CNTN5: variants seen among roughly 807,000 people sequenced by gnomAD.
The protein encoded by CNTN5 is contactin 5.
Under a neutral mutation model 129.1 loss-of-function variants are expected in CNTN5, and 77 were observed. That is an observed-to-expected ratio of 0.60 (90% CI 0.50 to 0.72). The LOEUF is 0.72. CNTN5 is among the 30% of genes least tolerant of loss of function. The pLI is 0.00. For missense variants in CNTN5, 1,478 were observed against 1,328.8 expected (o/e 1.11, Z -1.75); for synonymous variants, 509 against 465.6 (o/e 1.09, Z -1.20).
chr11:100,136,713 T>C (rs1946535636), intron 13 of CNTN5, among the ~76,000 whole-genome samples: 1 of 151,766 alleles, frequency 6.6e-6, no homozygotes, highest in East Asian at 1.9e-4. Flanking sequence ...ACTATGTGTA[T>C]GCCCAGTATG....
At chr11:99,764,827 C>T (rs192550444) in intron 3 of CNTN5, among the ~76,000 whole-genome samples, 2 of 152,152 alleles carry the variant, frequency 1.3e-5, no homozygotes, top group African/African-American at 4.8e-5. Context: ...CCAGATTTCA[C>T]GTGCCTAGTA....
At chr11:99,326,407 G>C (rs1865788885) in intron 2 of CNTN5, among the ~76,000 whole-genome samples, 1 of 152,126 alleles carries the variant, frequency 6.6e-6, no homozygotes, top group Non-Finnish European at 1.5e-5. Flanking sequence ...CAGGTTAATT[G>C]ATTCAAAATA....
At chr11:100,188,432 G>C (rs114043412) in intron 13 of CNTN5, among the ~76,000 whole-genome samples, 1 of 151,968 alleles carries the variant, frequency 6.6e-6, no homozygotes, top group African/African-American at 2.4e-5. Context: ...GTGAGACTCT[G>C]TCTTAAAACA....
chr11:99,084,766 C>A (rs1865933608), intron 1 of CNTN5, among the ~76,000 whole-genome samples: 1 of 152,122 alleles, frequency 6.6e-6, no homozygotes, highest in Non-Finnish European at 1.5e-5. Flanking sequence ...TTTTAGGAAG[C>A]ATTGCATTGA....
chr11:99,035,322 C>T (rs2135111530), intron 1 of CNTN5, among the ~76,000 whole-genome samples: 1 of 151,302 alleles, frequency 6.6e-6, no homozygotes, highest in South Asian at 2.1e-4. Context: ...TCCTGGGTAT[C>T]CTTGTTGACT....
At chr11:99,789,873 C>T (rs1945676097) in intron 3 of CNTN5, among the ~76,000 whole-genome samples, 1 of 151,992 alleles carries the variant, frequency 6.6e-6, no homozygotes, top group African/African-American at 2.4e-5. Context: ...ATCCCATCAT[C>T]CAGGTAGTGG....
At position 99,822,533 on chromosome 11, in the gene CNTN5, A is replaced by G. The variant is rs560585200; in HGVS notation, c.277+2768A>G. 1.2e-4 allele frequency among the ~76,000 whole-genome samples: 19 copies of G among 152,326 alleles called. No individual in the cohort carries two copies. The South Asian group carries it at 3.7e-3, about 30-fold the overall frequency. On this transcript the variant is annotated intron_variant, in intron 4 of 24. Coordinates refer to ENST00000524871, the MANE Select transcript of CNTN5 (RefSeq NM_014361.4). ...AACAATGGAAAAATATATCCTATTT[A>G]TGGATACACATAAGTGGTATAATTT...
At chr11:99,908,702 CT>C (rs1410531636) in intron 6 of CNTN5, among the ~76,000 whole-genome samples, 1 of 152,040 alleles carries the variant, frequency 6.6e-6, no homozygotes, top group Non-Finnish European at 1.5e-5. Context: ...GTTGAAGTAG[CT>C]TTTTGTAACA....
chr11:99,312,622 A>G (rs563405335), intron 1 of CNTN5, among the ~76,000 whole-genome samples: 170 of 152,266 alleles, frequency 1.1e-3, no homozygotes, highest in African/African-American at 3.5e-3. Flanking sequence ...GTATTGACAA[A>G]TTATGTAGCC....
At chr11:99,720,639 G>A (rs1943141406) in intron 3 of CNTN5, among the ~76,000 whole-genome samples, 1 of 151,974 alleles carries the variant, frequency 6.6e-6, no homozygotes, top group Non-Finnish European at 1.5e-5. Context: ...CATAGTATTG[G>A]ACATCCTAGA....
At chr11:99,679,980 T>A (rs529229527) in intron 3 of CNTN5, among the ~76,000 whole-genome samples, 1 of 152,286 alleles carries the variant, frequency 6.6e-6, no homozygotes, top group East Asian at 1.9e-4. Context: ...GCTACGACAT[T>A]CCCTTAAGCT....
intron 1 of CNTN5, among the ~76,000 whole-genome samples, chr11:99,256,014 G>T (rs1199312382): frequency 1.3e-5 from 2 of 151,936 alleles, no homozygotes; most frequent in African/African-American, 4.8e-5. Flanking sequence ...ATGATCAGTA[G>T]GCTAGAAATA....
At chr11:99,424,290 A>T (rs1009206886) in intron 2 of CNTN5, among the ~76,000 whole-genome samples, 1 of 152,204 alleles carries the variant, frequency 6.6e-6, no homozygotes, top group Non-Finnish European at 1.5e-5. Flanking sequence ...CAAGTGACTA[A>T]TGGGTGGGTA....
At chr11:100,243,169 C>T (rs976890037) in intron 16 of CNTN5, among the ~76,000 whole-genome samples, 17 of 152,198 alleles carry the variant, frequency 1.1e-4, no homozygotes, top group African/African-American at 1.2e-4. Flanking sequence ...ACACTCACTC[C>T]CACAAGAAAC....
intron 2 of CNTN5, among the ~76,000 whole-genome samples, chr11:99,478,300 G>A (rs1234695384): frequency 6.6e-6 from 1 of 152,108 alleles, no homozygotes. Context: ...GGAGGATTCA[G>A]TTTCTTTTGG....
At chr11:100,201,933 T>C (rs910275921) in intron 15 of CNTN5, among the ~76,000 whole-genome samples, 1 of 152,126 alleles carries the variant, frequency 6.6e-6, no homozygotes, top group South Asian at 2.1e-4. Flanking sequence ...AGATGATTAG[T>C]GTACAGGGGT....
intron 6 of CNTN5, among the ~76,000 whole-genome samples, chr11:99,861,735 A>C (rs1948213615): frequency 6.6e-6 from 1 of 152,202 alleles, no homozygotes. Flanking sequence ...ACTTGGTTTT[A>C]GCTTCTAAAA....
intron 3 of CNTN5, among the ~76,000 whole-genome samples, chr11:99,665,783 G>A (rs918584991): frequency 6.6e-6 from 1 of 151,756 alleles, no homozygotes; most frequent in African/African-American, 2.4e-5. Context: ...CACCGCGCCT[G>A]GCCTAGAGTA....
chr11:99,832,003 A>G (rs1947156029), intron 4 of CNTN5, among the ~76,000 whole-genome samples: 1 of 152,108 alleles, frequency 6.6e-6, no homozygotes, highest in Non-Finnish European at 1.5e-5. Context: ...CTTATCTTCA[A>G]GTTCCTTGTC....
Sources: gnomAD v4.1 joint callset for allele counts (sites outside exome capture counted in the v4.1 genomes callset) on GRCh38, gnomAD v4.1.1 for gene constraint, MANE v1.5 for transcripts, NCBI Gene and HGNC (gene_info 2026-07-23, HGNC 2026-07-21) for gene names.